CNTN4: variants seen among roughly 807,000 people sequenced by gnomAD.
CNTN4 encodes contactin-4.
CNTN4 carries 77 observed loss-of-function variants against 122.5 expected under a neutral mutation model. That is an observed-to-expected ratio of 0.63 (90% CI 0.52 to 0.76). The LOEUF (loss-of-function observed/expected upper bound fraction) is 0.76, where lower values mean the gene tolerates loss of function less well. Among genes scored for constraint, CNTN4 ranks in the 30% least tolerant of loss-of-function variants. CNTN4 has a pLI of 0.00. For synonymous variants in CNTN4, 512 were observed against 447.0 expected, an observed-to-expected ratio of 1.15 and a Z score of -1.83; for missense variants, 1,256 against 1,259.1, an observed-to-expected ratio of 1.00 and a Z score of 0.04.
chr3:2,584,665 C>G (rs1363647722), intron 4 of CNTN4, among the ~76,000 whole-genome samples: 1 of 140,360 alleles, frequency 7.1e-6, no homozygotes, highest in South Asian at 2.2e-4. Flanking sequence ...CCACTGTACT[C>G]CAGCCTGGAT....
intron 6 of CNTN4, among the ~76,000 whole-genome samples, chr3:2,766,289 A>C (rs1404086332): frequency 6.6e-6 from 1 of 152,076 alleles, no homozygotes; most frequent in East Asian, 1.9e-4. Flanking sequence ...TAGAAACTCC[A>C]CCAGTGCTTC....
chr3:2,547,614 C>A (rs2078302932), intron 3 of CNTN4, among the ~76,000 whole-genome samples: 1 of 152,008 alleles, frequency 6.6e-6, no homozygotes, highest in Non-Finnish European at 1.5e-5. Context: ...AAGAAATATT[C>A]AGTAAACATT....
At chr3:2,788,755 T>C (rs2149947415) in intron 6 of CNTN4, among the ~76,000 whole-genome samples, 1 of 152,262 alleles carries the variant, frequency 6.6e-6, no homozygotes, top group South Asian at 2.1e-4. Context: ...CTGAATAGCT[T>C]TTATTAGAAT....
intron 2 of CNTN4, among the ~76,000 whole-genome samples, chr3:2,328,297 T>C (rs1397544099): frequency 4.0e-5 from 6 of 150,306 alleles, no homozygotes; most frequent in Admixed American, 2.0e-4. Flanking sequence ...TCCCAGCTAC[T>C]CGGGAGGCTG....
chr3:2,359,923 T>C (rs549958695), intron 3 of CNTN4, among the ~76,000 whole-genome samples: 4 of 152,320 alleles, frequency 2.6e-5, no homozygotes, highest in Admixed American at 2.6e-4. Flanking sequence ...TATTGTGCAG[T>C]ATACTGTTAA....
intron 13 of CNTN4, among the ~76,000 whole-genome samples, chr3:2,960,997 G>A (rs1410761187): frequency 1.3e-5 from 2 of 148,600 alleles, no homozygotes; most frequent in African/African-American, 5.0e-5. Context: ...TTGGGAGGCC[G>A]AGGCGGGTGG....
intron 3 of CNTN4, among the ~76,000 whole-genome samples, chr3:2,476,969 A>G (rs2075852467): frequency 6.6e-6 from 1 of 152,126 alleles, no homozygotes; most frequent in Admixed American, 6.6e-5. Context: ...TACTTTTTGG[A>G]TGACAACATG....
rs571862221 is a variant in CNTN4, at chr3:2,866,974, A to G, written c.652+25A>G. 2.5e-6 allele frequency: 4 copies of G among 1,599,576 alleles called. No individual in the cohort carries two copies. In the African/African-American group the frequency reaches 5.4e-5, roughly 21 times the overall value. ...GGTGAGTTTTCAAGTAATTTTGTTA[A>G]TTTTGTTTCTGCAATCACAGGATGA... is the stretch of plus-strand genomic sequence containing the variant. On this transcript the variant is annotated intron_variant, in intron 8 of 24. Coordinates refer to ENST00000418658, the MANE Select transcript of CNTN4 (RefSeq NM_175607.3).
intron 21 of CNTN4, 39 bp from the exon 22 acceptor site, chr3:3,042,938 T>C (rs1419751904): frequency 1.9e-6 from 3 of 1,540,002 alleles, no homozygotes; most frequent in Admixed American, 3.3e-5. Flanking sequence ...ATATCCCCAT[T>C]GGGTATGGTT....
chr3:2,636,176 A>T (rs1231813420), intron 4 of CNTN4, among the ~76,000 whole-genome samples: 1 of 152,030 alleles, frequency 6.6e-6, no homozygotes, highest in Non-Finnish European at 1.5e-5. Flanking sequence ...CCTAGACCAA[A>T]CCCCAAACCT....
intron 3 of CNTN4, among the ~76,000 whole-genome samples, chr3:2,480,298 C>T (rs912683748): frequency 2.0e-5 from 3 of 151,842 alleles, no homozygotes; most frequent in Non-Finnish European, 4.4e-5. Flanking sequence ...TAAAAGTATA[C>T]AGATTGGAAA....
chr3:2,654,227 C>G (rs1043039685), intron 4 of CNTN4, among the ~76,000 whole-genome samples: 3 of 152,310 alleles, frequency 2.0e-5, no homozygotes, highest in African/African-American at 7.2e-5. Flanking sequence ...TTTTGACCAC[C>G]TTGGCAATGG....
At chr3:2,288,540 G>A (rs545119536) in intron 2 of CNTN4, among the ~76,000 whole-genome samples, 1 of 152,214 alleles carries the variant, frequency 6.6e-6, no homozygotes, top group South Asian at 2.1e-4. Flanking sequence ...GATTCAACAT[G>A]AGATTTTGAG....
Position 2,858,526 on chromosome 3 carries a change from G to C in CNTN4, c.455-8226G>C, listed in dbSNP as rs954297773. 2.6e-5 allele frequency among the ~76,000 whole-genome samples: 4 copies of C among 151,962 alleles called. No individual in the cohort carries two copies. In the South Asian group the frequency reaches 8.3e-4, roughly 32 times the overall value. On this transcript the variant is annotated intron_variant, in intron 7 of 24. Transcript: ENST00000418658. The stretch of plus-strand genomic sequence containing the variant: ...AGATCACTTGAGGTCAGTAGTTCAC[G>C]GCAAGCTTGGCCAAAATGGTGAAAC...
chr3:2,922,381 A>G (rs2094437378), intron 12 of CNTN4, among the ~76,000 whole-genome samples: 2 of 152,144 alleles, frequency 1.3e-5, no homozygotes, highest in African/African-American at 4.8e-5. Context: ...ACAAATAGGA[A>G]AAAGGATCAT....
chr3:2,393,967 A>C (rs2150908190), intron 3 of CNTN4, among the ~76,000 whole-genome samples: 1 of 152,222 alleles, frequency 6.6e-6, no homozygotes, highest in African/African-American at 2.4e-5. Context: ...TTGGGTGCAA[A>C]AGTAATTGTG....
chr3:2,851,345 T>C (rs576228809), intron 7 of CNTN4, among the ~76,000 whole-genome samples: 7 of 152,334 alleles, frequency 4.6e-5, no homozygotes, highest in Non-Finnish European at 8.8e-5. Context: ...CCTCTCCTTA[T>C]CCTAAAACCA....
intron 13 of CNTN4, among the ~76,000 whole-genome samples, chr3:2,928,820 A>G (rs558083242): frequency 6.6e-6 from 1 of 152,316 alleles, no homozygotes; most frequent in South Asian, 2.1e-4. Flanking sequence ...CAGTAGTGGT[A>G]TTAGAAGCAA....
At chr3:2,880,169 A>G (rs535893703) in intron 8 of CNTN4, among the ~76,000 whole-genome samples, 1 of 152,324 alleles carries the variant, frequency 6.6e-6, no homozygotes, top group East Asian at 1.9e-4. Context: ...AATTTTCATG[A>G]TCAGATTAAA....
Sources: allele counts gnomAD v4.1 joint callset (sites outside exome capture counted in the v4.1 genomes callset), GRCh38; gene constraint gnomAD v4.1.1; transcripts MANE v1.5; gene names NCBI Gene and HGNC (gene_info 2026-07-23, HGNC 2026-07-21).